Variants in SCAP observed in about 807,000 individuals in gnomAD.
SCAP encodes SREBF chaperone.
In SCAP, 65 loss-of-function variants were observed where a neutral mutation model predicts 123.6. The observed-to-expected ratio is 0.53, with a 90% CI of 0.43 to 0.65. SCAP has a LOEUF of 0.65. Ranked by LOEUF, SCAP falls within the 30% of genes least tolerant of loss-of-function variation. SCAP has a pLI of 0.00. For missense variants in SCAP, 1,398 were observed against 1,712.5 expected (o/e 0.82, Z 3.24); for synonymous variants, 740 against 726.3 (o/e 1.02, Z -0.30).
rs1198008677 is a variant in SCAP at position 47,420,346 on chromosome 3, G to A, written c.1563+208C>T. ...GGCTCCTGTACCTGAGAACCCTGGAGCTGCTTCTCCCACAGGCTTATCTCC... is the reference window on the plus strand; with the variant it reads ...GGCTCCTGTACCTGAGAACCCTGGAACTGCTTCTCCCACAGGCTTATCTCC... On this transcript the variant is annotated intron_variant, in intron 12 of 22. Coordinates refer to ENST00000265565, the MANE Select transcript of SCAP (RefSeq NM_012235.4). The surrounding 1 kb of genome is among the most constrained non-coding windows in gnomAD (Gnocchi z 5.0). Among the ~76,000 whole-genome samples, 1 of 152,192 alleles carries A rather than the reference G, an allele frequency of 6.6e-6. No individual in the cohort carries two copies. Among genetic ancestry groups the A allele is most frequent in the African/African-American group, 2.4e-5 (1 of 41,448 alleles).
At chr3:47,425,655 CCCCGGCCCACTGGGGCT>C in intron 7 of SCAP, 44 bp from the exon 8 acceptor site, 1 of 1,604,652 alleles carries the variant, frequency 6.2e-7, no homozygotes, top group Non-Finnish European at 8.5e-7. Flanking sequence ...CTCCCCCAGC[CCCCGGCCCACTGGGGCT>C]CCCGGGAGTA....
At chr3:47,441,098 C>T (rs1706787379) in intron 2 of SCAP, among the ~76,000 whole-genome samples, 1 of 152,036 alleles carries the variant, frequency 6.6e-6, no homozygotes, top group Non-Finnish European at 1.5e-5. Flanking sequence ...GACGAGGTTT[C>T]ACCATGTTGG....
At chr3:47,460,226 T>C (rs1559566960) in intron 1 of SCAP, among the ~76,000 whole-genome samples, 1 of 152,154 alleles carries the variant, frequency 6.6e-6, no homozygotes, top group Non-Finnish European at 1.5e-5. Context: ...GCTAACACAA[T>C]AGTGGTCCTG....
chr3:47,418,027 G>T lies in SCAP; in HGVS notation c.2447+107C>A, dbSNP rs1432898198. 195 of 744,888 alleles carry T rather than the reference G, an allele frequency of 2.6e-4. 5 individuals are homozygous for T. The South Asian group carries it at 3.0e-3, about 11-fold the overall frequency. The allele number at this position is 744,888 out of a possible 1,614,324, so 46.1% of individuals were successfully genotyped here. On this transcript the variant is annotated intron_variant, in intron 16 of 22. Transcript: ENST00000265565. ...GGTGGGGGGAGAGGGGGCCTGGAGG[G>T]GTTGGGGGATACCTCGGAGGAAGAA... is the stretch of plus-strand genomic sequence containing the variant.
chr3:47,416,625 T>C (rs1705586930), intron 18 of SCAP, among the ~76,000 whole-genome samples: 6 of 45,626 alleles, frequency 1.3e-4, no homozygotes, highest in East Asian at 6.3e-4. Flanking sequence ...CTTTTTTTTT[T>C]TTTTTTTTTT....
In SCAP at chr3:47,426,034, G is replaced by C; in HGVS notation, c.873C>G (p.Thr291=). 1 of 1,614,200 alleles carries C rather than the reference G, an allele frequency of 6.2e-7. No homozygotes were observed. The highest frequency in any genetic ancestry group is 8.5e-7 in the Non-Finnish European group (1 of 1,180,026). The part of the protein sequence containing the change: ...GVAELIPLVT[T]YIILFAYIYF... The stretch of plus-strand genomic sequence containing the variant: ...AGATGTAGGCAAACAAGATGATGTA[G>C]GTGGTCACAAGGGGGATGAGCTCAG... Residue 291 remains threonine (T), a synonymous_variant, in exon 7 of 23, where the codon ACC becomes ACG. Transcript: ENST00000265565.
intron 1 of SCAP, chr3:47,469,939 C>T: frequency 2.3e-6 from 1 of 433,332 alleles, no homozygotes; most frequent in South Asian, 1.9e-5. Flanking sequence ...CACAGCTCTA[C>T]TATTGTGAAG....
chr3:47,426,839 C>G (rs1706155710), intron 6 of SCAP, among the ~76,000 whole-genome samples: 1 of 152,192 alleles, frequency 6.6e-6, no homozygotes, highest in Non-Finnish European at 1.5e-5. Flanking sequence ...GGGAAGGACA[C>G]AGGCCATATA....
At chr3:47,474,286 AAAG>A (rs1708184051) in intron 1 of SCAP, among the ~76,000 whole-genome samples, 1 of 151,960 alleles carries the variant, frequency 6.6e-6, no homozygotes, top group African/African-American at 2.4e-5. Context: ...GAAAGAAAGA[AAAG>A]AGAGAGCATT....
At chr3:47,437,645 A>C (rs1283095934) in intron 2 of SCAP, among the ~76,000 whole-genome samples, 1 of 151,924 alleles carries the variant, frequency 6.6e-6, no homozygotes. Context: ...CGGGAGGCTT[A>C]AGTGGGAGGA....
Position 47,418,498 on chromosome 3 carries a change from G to A in SCAP, c.2154C>T (p.Thr718=), listed in dbSNP as rs369222944. The change falls in exon 15 of 23, where the codon ACC becomes ACT. Residue 718 remains threonine, a synonymous_variant. Coordinates refer to ENST00000265565, the MANE Select transcript of SCAP (RefSeq NM_012235.4). The part of the protein sequence containing the change: ...LYKVAALGLA[T]GIVLVLLLLC... Reference sequence around the variant, plus strand: ...GCAGCAGCAGCACCAAGACGATGCCGGTGGCCAGGCCCAGCGCCGCCACCC... The same window carrying A: ...GCAGCAGCAGCACCAAGACGATGCCAGTGGCCAGGCCCAGCGCCGCCACCC... 2.6e-5 allele frequency: 42 copies of A among 1,598,336 alleles called. No homozygotes were observed. The Admixed American group carries it at 2.9e-4, about 11-fold the overall frequency.
Position 47,414,949 on chromosome 3 carries a change from T to C in SCAP, c.3184A>G (p.Ser1062Gly), listed in dbSNP as rs1017818787. ...GSSPASPVYS[S>G]SDTVACHLTH... ...AGGTGACAGGCCACTGTGTCGCTGC[T>C]GCTGTACACTGGAGAGGCAGGGGAA... Residue 1062 changes from serine (S) to glycine (G), a missense_variant, in exon 20 of 23, where the codon AGC becomes GGC. Transcript: ENST00000265565. 1 of 1,609,492 alleles carries C rather than the reference T, an allele frequency of 6.2e-7. No homozygotes were observed. The highest frequency in any genetic ancestry group is 1.3e-5 in the African/African-American group (1 of 74,802).
At chr3:47,457,450 CA>C (rs560343735) in intron 1 of SCAP, among the ~76,000 whole-genome samples, 26 of 152,262 alleles carry the variant, frequency 1.7e-4, no homozygotes, top group South Asian at 1.2e-3. Flanking sequence ...ATAACTGAAT[CA>C]CCTTGTGTTC....
chr3:47,425,136 G>A (rs927074937), intron 8 of SCAP: 3 of 214,786 alleles, frequency 1.4e-5, no homozygotes, highest in Non-Finnish European at 2.8e-5. Context: ...TGTGGTGTGT[G>A]TATATAGAAT....
chr3:47,417,859 A>ACGGGGGCGGGGGGTGAGAGGGGGCC, intron 16 of SCAP, 33 bp from the exon 17 acceptor site: 1 of 613,768 alleles, frequency 1.6e-6, no homozygotes. Context: ...GAGAGGGGGC[A>ACGGGGGCGGGGGGTGAGAGGGGGCC]CGGGGGAGGG....
intron 2 of SCAP, among the ~76,000 whole-genome samples, chr3:47,437,133 G>C (rs529207223): frequency 6.6e-6 from 1 of 152,236 alleles, no homozygotes; most frequent in South Asian, 2.1e-4. Context: ...GCTGTTTCTG[G>C]TTTGAGCTAT....
chr3:47,429,729 T>C lies in SCAP; in HGVS notation c.253-1059A>G, dbSNP rs1706285117. 2.0e-5 allele frequency among the ~76,000 whole-genome samples: 3 copies of C among 152,240 alleles called. 1 individual carries two copies. In the South Asian group the frequency reaches 6.2e-4, roughly 31 times the overall value. ...TTTTACTGAAGCACAGCCACACCCCTACCATTACTATTGTCTATGGCTGCT... is the reference window on the plus strand; with the variant it reads ...TTTTACTGAAGCACAGCCACACCCCCACCATTACTATTGTCTATGGCTGCT... On this transcript the variant is annotated intron_variant, in intron 3 of 22. Coordinates refer to ENST00000265565, the MANE Select transcript of SCAP (RefSeq NM_012235.4).
chr3:47,440,801 A>G (rs1224272649), intron 2 of SCAP, among the ~76,000 whole-genome samples: 2 of 152,184 alleles, frequency 1.3e-5, no homozygotes, highest in African/African-American at 2.4e-5. Context: ...TCGAGACTGC[A>G]ATTAGCAGTG....
chr3:47,434,761 C>G (rs376064054), intron 3 of SCAP: 2 of 357,170 alleles, frequency 5.6e-6, no homozygotes, highest in Admixed American at 4.3e-5. Flanking sequence ...CACTTGAACC[C>G]GGGAGGCGGA....
Sources: allele counts gnomAD v4.1 joint callset (sites outside exome capture counted in the v4.1 genomes callset), GRCh38; gene constraint gnomAD v4.1.1; non-coding constraint Gnocchi (gnomAD v3.1); transcripts MANE v1.5; gene names NCBI Gene and HGNC (gene_info 2026-07-23, HGNC 2026-07-21).